The following ERBB4 variants were observed in gnomAD, a reference collection of about 807,000 sequenced individuals.
The protein encoded by ERBB4 is receptor tyrosine-protein kinase erbB-4.
In ERBB4, 42 loss-of-function variants were observed where a neutral mutation model predicts 158.0. That is an observed-to-expected ratio of 0.27 (90% CI 0.21 to 0.34). The LOEUF (loss-of-function observed/expected upper bound fraction) is 0.34. ERBB4 is among the 10% of genes least tolerant of loss of function. The pLI is 1.00. For synonymous variants in ERBB4, 583 were observed against 558.7 expected, an observed-to-expected ratio of 1.04 and a Z score of -0.61; for missense variants, 1,333 against 1,624.1, an observed-to-expected ratio of 0.82 and a Z score of 3.08.
intron 2 of ERBB4, among the ~76,000 whole-genome samples, chr2:212,053,389 G>C (rs1361496109): frequency 6.6e-6 from 1 of 152,014 alleles, no homozygotes. Context: ...GTTCCACCTG[G>C]ACACATCCTA....
intron 1 of ERBB4, among the ~76,000 whole-genome samples, chr2:212,186,306 G>A (rs1302799440): frequency 6.6e-6 from 1 of 152,154 alleles, no homozygotes; most frequent in Non-Finnish European, 1.5e-5. Flanking sequence ...AATGATGTGT[G>A]TGCCTACAAA....
At chr2:212,103,226 T>C (rs113767885) in intron 2 of ERBB4, among the ~76,000 whole-genome samples, 1,948 of 152,250 alleles carry the variant, frequency 0.013, 21 homozygotes, top group Middle Eastern at 0.027. Context: ...CATTTGTTAC[T>C]TTCTTCTTCA....
At chr2:212,254,038 G>T (rs541836253) in intron 1 of ERBB4, among the ~76,000 whole-genome samples, 16 of 152,178 alleles carry the variant, frequency 1.1e-4, no homozygotes, top group African/African-American at 3.6e-4. Context: ...AATCTCAGGA[G>T]ACCGCTGTGG....
intron 1 of ERBB4, among the ~76,000 whole-genome samples, chr2:212,373,892 T>C (rs976286034): frequency 8.8e-6 from 1 of 113,006 alleles, no homozygotes; most frequent in Non-Finnish European, 1.9e-5. Context: ...TATATATCCA[T>C]ATATATATAT....
At chr2:211,912,169 G>A (rs148181399) in intron 3 of ERBB4, among the ~76,000 whole-genome samples, 8 of 152,248 alleles carry the variant, frequency 5.3e-5, no homozygotes, top group Admixed American at 1.3e-4. Context: ...TTTTACACAA[G>A]ATATAGTGAA....
chr2:211,644,081 G>A (rs1450055905), intron 16 of ERBB4, among the ~76,000 whole-genome samples: 1 of 151,790 alleles, frequency 6.6e-6, no homozygotes, highest in African/African-American at 2.4e-5. Context: ...GTAACCCAAG[G>A]AAAAAATGAG....
chr2:211,883,387 G>A (rs1483789026), intron 3 of ERBB4, among the ~76,000 whole-genome samples: 1 of 152,010 alleles, frequency 6.6e-6, no homozygotes, highest in African/African-American at 2.4e-5. Flanking sequence ...CATGGCACAT[G>A]TATACATATG....
chr2:211,997,819 T>A (rs1378762339), intron 2 of ERBB4, among the ~76,000 whole-genome samples: 42 of 151,970 alleles, frequency 2.8e-4, no homozygotes. Flanking sequence ...AATAATATAT[T>A]AATCATTCCA....
chr2:211,713,735 A>G (rs2106088896), intron 7 of ERBB4, 87 bp from the exon 8 acceptor site: 2 of 776,594 alleles, frequency 2.6e-6, no homozygotes, highest in Middle Eastern at 2.3e-4. Flanking sequence ...AGGGTTTAAA[A>G]ATGATTAGCA....
intron 1 of ERBB4, among the ~76,000 whole-genome samples, chr2:212,174,899 A>T (rs1167315195): frequency 6.6e-6 from 1 of 152,074 alleles, no homozygotes; most frequent in Admixed American, 6.6e-5. Flanking sequence ...ATTCGATCTA[A>T]GTCTACTATT....
intron 19 of ERBB4, among the ~76,000 whole-genome samples, chr2:211,609,446 C>T (rs999999515): frequency 6.6e-6 from 1 of 152,158 alleles, no homozygotes; most frequent in East Asian, 1.9e-4. Context: ...AATCATATTT[C>T]CATAAGTCTG....
intron 2 of ERBB4, among the ~76,000 whole-genome samples, chr2:212,111,339 G>C (rs986947860): frequency 6.6e-6 from 1 of 152,060 alleles, no homozygotes; most frequent in Non-Finnish European, 1.5e-5. Context: ...TTGAAATAAC[G>C]CCATACCCAT....
intron 20 of ERBB4, among the ~76,000 whole-genome samples, chr2:211,511,208 CAT>C (rs1191959267): frequency 6.6e-6 from 1 of 151,870 alleles, no homozygotes; most frequent in East Asian, 1.9e-4. Context: ...AAGTTTTTAG[CAT>C]ATATATAGAT....
chr2:211,836,953 T>A (rs2077357057), intron 3 of ERBB4, among the ~76,000 whole-genome samples: 1 of 151,994 alleles, frequency 6.6e-6, no homozygotes, highest in South Asian at 2.1e-4. Flanking sequence ...AAAAGTTTTT[T>A]AAAATATTGT....
At chr2:212,517,747 C>T (rs1290848482) in intron 1 of ERBB4, among the ~76,000 whole-genome samples, 3 of 152,042 alleles carry the variant, frequency 2.0e-5, no homozygotes, top group Non-Finnish European at 4.4e-5. Flanking sequence ...CATAATACAG[C>T]TATTTTTTAA....
At chr2:211,648,738 A>G (rs1028921091) in intron 16 of ERBB4, among the ~76,000 whole-genome samples, 6 of 151,714 alleles carry the variant, frequency 4.0e-5, no homozygotes, top group African/African-American at 7.2e-5. Context: ...CTTCCAATCA[A>G]TTTTTCCCAA....
chr2:211,840,693 T>A (rs2077451279), intron 3 of ERBB4, among the ~76,000 whole-genome samples: 1 of 152,150 alleles, frequency 6.6e-6, no homozygotes, highest in Non-Finnish European at 1.5e-5. Flanking sequence ...GACACTGTGA[T>A]GATCCAATCC....
At chr2:211,859,404 T>C (rs1241929560) in intron 3 of ERBB4, among the ~76,000 whole-genome samples, 1 of 152,202 alleles carries the variant, frequency 6.6e-6, no homozygotes, top group African/African-American at 2.4e-5. Context: ...TAGAAAAATA[T>C]TTGGATTCAC....
At chr2:211,628,540 G>A (rs1390532872) in intron 17 of ERBB4, among the ~76,000 whole-genome samples, 2 of 152,214 alleles carry the variant, frequency 1.3e-5, no homozygotes, top group African/African-American at 2.4e-5. Context: ...TGGTGTATAT[G>A]TGCCACATTT....
Sources: allele counts gnomAD v4.1 joint callset (sites outside exome capture counted in the v4.1 genomes callset), GRCh38; gene constraint gnomAD v4.1.1; transcripts MANE v1.5; gene names NCBI Gene and HGNC (gene_info 2026-07-23, HGNC 2026-07-21).